PLB1: variants seen among roughly 807,000 people sequenced by gnomAD.
PLB1 encodes the protein phospholipase B1.
In PLB1, 242 loss-of-function variants were observed where a neutral mutation model predicts 227.4. The observed-to-expected ratio is 1.06, with a 90% CI of 0.96 to 1.18. The LOEUF (loss-of-function observed/expected upper bound fraction) is 1.18. Among genes scored for constraint, PLB1 ranks in the 50% most tolerant of loss-of-function variants. The probability of loss-of-function intolerance (pLI) is 0.00; values close to 1 mark genes in which losing one functional copy is unlikely to be tolerated. For missense variants in PLB1, 1,858 were observed against 1,816.3 expected, an observed-to-expected ratio of 1.02 and a Z score of -0.42; for synonymous variants, 757 against 682.2, an observed-to-expected ratio of 1.11 and a Z score of -1.71.
intron 14 of PLB1, among the ~76,000 whole-genome samples, chr2:28,546,578 G>A (rs1673298275): frequency 6.6e-6 from 1 of 152,158 alleles, no homozygotes. Context: ...GACCCACAGT[G>A]TGGCAGGAGA....
chr2:28,518,585 T>C, intron 3 of PLB1, 53 bp downstream of exon 3: 2 of 1,403,438 alleles, frequency 1.4e-6, no homozygotes, highest in Non-Finnish European at 2.0e-6. Flanking sequence ...CTCTCTGAAG[T>C]GGCCAGCAGA....
At chr2:28,614,175 C>A in intron 44 of PLB1, 79 bp downstream of exon 44, 1 of 1,337,034 alleles carries the variant, frequency 7.5e-7, no homozygotes, top group South Asian at 1.2e-5. Flanking sequence ...GTACAGGTTT[C>A]AGAGTATTCA....
At chr2:28,608,879 T>C (rs1685054747) in intron 43 of PLB1, among the ~76,000 whole-genome samples, 1 of 151,982 alleles carries the variant, frequency 6.6e-6, no homozygotes, top group East Asian at 1.9e-4. Context: ...AATGTAGATA[T>C]TCTCCAATTT....
chr2:28,626,347 A>C, intron 50 of PLB1, 81 bp from the exon 51 acceptor site: 1 of 1,176,288 alleles, frequency 8.5e-7, no homozygotes. Context: ...AGGCACTTGG[A>C]GGGCGGGCGG....
intron 33 of PLB1, chr2:28,595,642 C>T (rs931273607): frequency 6.6e-6 from 1 of 152,168 alleles, no homozygotes. Context: ...CACCTGTTAA[C>T]ACCTCCTGAA....
At chr2:28,591,264 G>A (rs1392611377) in intron 30 of PLB1, 93 bp downstream of exon 30, 1 of 1,527,672 alleles carries the variant, frequency 6.5e-7, no homozygotes, top group African/African-American at 1.4e-5. Context: ...TGGGAAAGCG[G>A]GCAAGAGTTC....
chr2:28,606,634 C>A, intron 43 of PLB1, 67 bp downstream of exon 43: 1 of 1,412,808 alleles, frequency 7.1e-7, no homozygotes, highest in Non-Finnish European at 1.0e-6. Context: ...CTACCCACTT[C>A]GTCCTCCACC....
At chr2:28,594,900 G>A (rs1366287957) in intron 33 of PLB1, 3 of 152,110 alleles carry the variant, frequency 2.0e-5, no homozygotes, top group African/African-American at 7.2e-5. Flanking sequence ...AGAAAGCAGA[G>A]CTTATTACAA....
At chr2:28,544,718 C>T (rs1314569911) in intron 14 of PLB1, among the ~76,000 whole-genome samples, 1 of 152,096 alleles carries the variant, frequency 6.6e-6, no homozygotes, top group Non-Finnish European at 1.5e-5. Context: ...TTTGAATGGG[C>T]TTTGTGAAAT....
intron 8 of PLB1, 67 bp from the exon 9 acceptor site, chr2:28,532,041 C>CA: frequency 8.1e-7 from 1 of 1,236,310 alleles, no homozygotes; most frequent in Non-Finnish European, 1.2e-6. Flanking sequence ...GACATGAAAA[C>CA]AAAGACATTA....
intron 49 of PLB1, among the ~76,000 whole-genome samples, chr2:28,623,377 CG>C (rs1558941461): frequency 6.7e-6 from 1 of 149,326 alleles, no homozygotes; most frequent in Non-Finnish European, 1.5e-5. Context: ...GGGGAAGAAG[CG>C]GCATTTGTAA....
chr2:28,581,552 C>T lies in PLB1; in HGVS notation c.1567-516C>T, dbSNP rs962568338. On this transcript the variant is annotated intron_variant, in intron 23 of 57. Coordinates refer to ENST00000327757, the MANE Select transcript of PLB1 (RefSeq NM_153021.5). Reference sequence around the variant, plus strand: ...AAATAAATAAAATTAAAAAAAGAGGCATAGGCATTTCCCTGAGGGCCACAG... The same window carrying T: ...AAATAAATAAAATTAAAAAAAGAGGTATAGGCATTTCCCTGAGGGCCACAG... Among the ~76,000 whole-genome samples the T allele has an allele frequency of 2.4e-5, 3 of 126,218 alleles. No homozygotes were observed. In the Admixed American group the frequency reaches 2.4e-4, roughly 10 times the overall value. 82.8% of individuals were successfully genotyped at this position (126,218 alleles called of 152,430 possible).
intron 44 of PLB1, among the ~76,000 whole-genome samples, chr2:28,616,836 C>T (rs1261942062): frequency 6.6e-6 from 1 of 152,200 alleles, no homozygotes; most frequent in African/African-American, 2.4e-5. Flanking sequence ...TTTTTGCTCT[C>T]TCATGATAGG....
intron 16 of PLB1, among the ~76,000 whole-genome samples, chr2:28,552,235 G>T (rs760766400): frequency 6.6e-6 from 1 of 152,142 alleles, no homozygotes; most frequent in East Asian, 1.9e-4. Flanking sequence ...GTCTTGAAGG[G>T]TGACTAAGGC....
Position 28,578,128 on chromosome 2 carries a change from GA to G in PLB1, c.1456del (p.Arg486GlyfsTer5), listed in dbSNP as rs1558810855. 6 of 1,614,048 alleles carry G rather than the reference GA, an allele frequency of 3.7e-6. No individual in the cohort carries two copies. The highest frequency in any genetic ancestry group is 5.1e-6 in the Non-Finnish European group (6 of 1,180,022). ...ACAGGGATCTACCTGTCCAGGCCAG[GA>G]GGCTGGTGGACCTGATGAAGAATGA... ...RAEDLPVQAR[R>X]LVDLMKNDTR... On this transcript the variant is annotated frameshift_variant, in exon 22 of 58. Coordinates refer to ENST00000327757, the MANE Select transcript of PLB1 (RefSeq NM_153021.5). LOFTEE classifies it high-confidence loss of function.
chr2:28,528,282 A>G (rs1358359529), intron 6 of PLB1, among the ~76,000 whole-genome samples: 3 of 152,210 alleles, frequency 2.0e-5, no homozygotes, highest in African/African-American at 7.2e-5. Flanking sequence ...GGATGGGGCA[A>G]AAAGAAAGGG....
At chr2:28,516,703 G>A in intron 1 of PLB1, 105 bp from the exon 2 acceptor site, 1 of 1,002,302 alleles carries the variant, frequency 1.0e-6, no homozygotes, top group East Asian at 2.4e-5. Context: ...GGACATTACT[G>A]AGCTGGGCAC....
Position 28,601,335 on chromosome 2 carries a change from A to G in PLB1, c.2607+3A>G, listed in dbSNP as rs754415589. ...TATGTGACTACTGCACAGATTCGGT[A>G]ATTGGGGCCAGGTCCAGGCCTACTT... is the stretch of plus-strand genomic sequence containing the variant. On this transcript the variant is annotated splice_donor_region_variant and intron_variant, in intron 37 of 57. Transcript: ENST00000327757. 3.1e-6 allele frequency: 5 copies of G among 1,613,272 alleles called. No individual in the cohort carries two copies. In the South Asian group the frequency reaches 5.5e-5, roughly 18 times the overall value.
intron 36 of PLB1, 140 bp downstream of exon 36, chr2:28,601,000 C>T: frequency 1.2e-6 from 1 of 822,028 alleles, no homozygotes; most frequent in Non-Finnish European, 2.0e-6. Flanking sequence ...AGCCCCCTGA[C>T]AGAGGTCCTG....
Sources: gnomAD v4.1 joint callset for allele counts (sites outside exome capture counted in the v4.1 genomes callset) on GRCh38, gnomAD v4.1.1 for gene constraint, MANE v1.5 for transcripts, NCBI Gene and HGNC (gene_info 2026-07-23, HGNC 2026-07-21) for gene names.